ATP1A1: variants seen among roughly 807,000 people sequenced by gnomAD.
ATP1A1 encodes the protein sodium/potassium-transporting ATPase subunit alpha-1.
ATP1A1 carries 14 observed loss-of-function variants against 114.8 expected under a neutral mutation model. The ratio of observed to expected loss-of-function variants is 0.12; its 90% confidence interval spans 0.08 to 0.19. The LOEUF (loss-of-function observed/expected upper bound fraction) is 0.19. ATP1A1 is among the 10% of genes least tolerant of loss of function. The pLI, the probability that ATP1A1 is intolerant of heterozygous loss-of-function variation, is 1.00. For missense variants in ATP1A1, 524 were observed against 1,290.7 expected (o/e 0.41, Z 9.10); for synonymous variants, 471 against 466.3 (o/e 1.01, Z -0.13).
intron 13 of ATP1A1, 70 bp from the exon 14 acceptor site, chr1:116,396,528 C>T: frequency 6.4e-7 from 1 of 1,557,410 alleles, no homozygotes; most frequent in African/African-American, 1.4e-5. Context: ...TTACTCTTGC[C>T]TACTGGATAT....
At chr1:116,403,178 C>G (rs1036066655) in intron 21 of ATP1A1, among the ~76,000 whole-genome samples, 5 of 152,202 alleles carry the variant, frequency 3.3e-5, no homozygotes. Context: ...ATGAGATCAT[C>G]TCTCTTAGCT....
At position 116,388,696 on chromosome 1, in the gene ATP1A1, T is replaced by C. The variant is rs1652257818; in HGVS notation, c.560T>C (p.Val187Ala). The C allele has an allele frequency of 1.4e-5, 22 of 1,614,110 alleles. No homozygotes were observed. The highest frequency in any genetic ancestry group is 1.9e-5 in the Non-Finnish European group (22 of 1,180,056). The change falls in exon 6 of 23, where the codon GTT (valine) becomes GCT (alanine). Residue 187 changes from valine (V) to alanine (A), a missense_variant. Val to Ala is a moderately conservative substitution (Grantham distance 64, BLOSUM62 0). Transcript: ENST00000295598. The surrounding 1 kb of genome is among the most constrained non-coding windows in gnomAD (Gnocchi z 5.6). ...KMSINAEEVVVGDLVEVKGGD... is the reference protein window; with the variant it reads ...KMSINAEEVVAGDLVEVKGGD... ...AGCATAAATGCGGAGGAAGTTGTGG[T>C]TGGGGATCTGGTGGAAGTAAAAGGA...
At chr1:116,396,776 A>G in intron 14 of ATP1A1, 42 bp downstream of exon 14, 1 of 1,508,182 alleles carries the variant, frequency 6.6e-7, no homozygotes. Flanking sequence ...GTGAACAAGC[A>G]AATAGTGATG....
chr1:116,400,291 A>G (rs1653335885), intron 18 of ATP1A1, among the ~76,000 whole-genome samples: 1 of 152,186 alleles, frequency 6.6e-6, no homozygotes, highest in African/African-American at 2.4e-5. Flanking sequence ...GCCCATCCTG[A>G]CCTTCTCCAA....
At position 116,389,674 on chromosome 1, in the gene ATP1A1, C is replaced by T. The variant is rs773255131; in HGVS notation, c.990C>T (p.Ala330=). The T allele has an allele frequency of 5.0e-6, 8 of 1,614,042 alleles. No individual in the cohort carries two copies. In the East Asian group the frequency reaches 1.1e-4, roughly 22 times the overall value. The change falls in exon 8 of 23, where the codon GCC becomes GCT. Residue 330 remains alanine, a synonymous_variant. Transcript: ENST00000295598. This position sits in a 1 kb window ranked among gnomAD's most constrained non-coding sequence, Gnocchi z 6.9. ...AVIFLIGIIV[A]NVPEGLLATV... is the part of the protein sequence containing the mutation. The stretch of plus-strand genomic sequence containing the variant: ...TCTTCCTCATCGGTATCATCGTAGC[C>T]AATGTGCCGGAAGGTTTGCTGGCCA...
chr1:116,388,057 C>A lies in ATP1A1; in HGVS notation c.388-74C>A. The A allele has an allele frequency of 1.0e-6, 1 of 962,766 alleles. No individual in the cohort carries two copies. The highest frequency in any genetic ancestry group is 1.5e-5 in the South Asian group (1 of 68,000). 59.6% of individuals were successfully genotyped at this position (962,766 alleles called of 1,614,324 possible). On this transcript the variant is annotated intron_variant, in intron 4 of 22. Transcript: ENST00000295598. The surrounding 1 kb of genome is among the most constrained non-coding windows in gnomAD (Gnocchi z 5.6). ...CTCTATTAAAAATCTGTTTTTTATT[C>A]AGTCAAAAAATTAATTGAATGTCCC...
In ATP1A1 at chr1:116,395,648, G is replaced by T; in HGVS notation, c.1836+363G>T. ...GTTAACTGTTTGTTAATGAGTGTTT[G>T]GTGTCCTCTGTGTATCTGTCTTTTT... On this transcript the variant is annotated intron_variant, in intron 13 of 22. Coordinates refer to ENST00000295598, the MANE Select transcript of ATP1A1 (RefSeq NM_000701.8). The surrounding 1 kb of genome is among the most constrained non-coding windows in gnomAD (Gnocchi z 6.4). 6.6e-6 allele frequency among the ~76,000 whole-genome samples: 1 copy of T among 152,126 alleles called. No homozygotes were observed. Among genetic ancestry groups the T allele is most frequent in the African/African-American group, 2.4e-5 (1 of 41,418 alleles).
intron 1 of ATP1A1, among the ~76,000 whole-genome samples, chr1:116,378,628 T>A (rs1004101197): frequency 6.6e-6 from 1 of 152,214 alleles, no homozygotes; most frequent in East Asian, 1.9e-4. Context: ...TTCCACATGA[T>A]GCTTCCATGG....
chr1:116,403,989 T>C lies in ATP1A1; in HGVS notation c.3043+14T>C. On this transcript the variant is annotated intron_variant, in intron 22 of 22. Coordinates refer to ENST00000295598, the MANE Select transcript of ATP1A1 (RefSeq NM_000701.8). Reference sequence around the variant, plus strand: ...GACGCCCTGGCGGTAATTATGGGCATTCTGACTTTGGTTGGAGGAGGAGTG... The same window carrying C: ...GACGCCCTGGCGGTAATTATGGGCACTCTGACTTTGGTTGGAGGAGGAGTG... 1.2e-6 allele frequency: 2 copies of C among 1,611,758 alleles called. No individual in the cohort carries two copies. Among genetic ancestry groups the C allele is most frequent in the Non-Finnish European group, 1.7e-6 (2 of 1,178,268 alleles).
chr1:116,404,115 C>T lies in ATP1A1; in HGVS notation c.3043+140C>T. 3.7e-6 allele frequency: 3 copies of T among 814,454 alleles called. No individual in the cohort carries two copies. Among genetic ancestry groups the T allele is most frequent in the Non-Finnish European group, 3.9e-6 (2 of 509,384 alleles). 50.5% of individuals were successfully genotyped at this position (814,454 alleles called of 1,614,324 possible). A position where few individuals can be genotyped will look rare whatever the true frequency, so the allele number is the denominator to read the frequency against. ...TAAGGTGACTGGACCAGCAAACTGA[C>T]CATAGTCACATCTTCAGAATGTAGA... On this transcript the variant is annotated intron_variant, in intron 22 of 22. Transcript: ENST00000295598. This position sits in a 1 kb window ranked among gnomAD's most constrained non-coding sequence, Gnocchi z 4.8.
rs1653252460 is a variant in ATP1A1, at chr1:116,399,618, T to C, written c.2572+75T>C. 6 of 1,587,522 alleles carry C rather than the reference T, an allele frequency of 3.8e-6. No individual in the cohort carries two copies. Among genetic ancestry groups the C allele is most frequent in the South Asian group, 1.2e-5 (1 of 86,928 alleles). ...TGATGGTGTCCACCTCAGGTTGAGG[T>C]TGATTTCAGAGACTGCAAATCCAGG... On this transcript the variant is annotated intron_variant, in intron 18 of 22. Transcript: ENST00000295598. The surrounding 1 kb of genome is among the most constrained non-coding windows in gnomAD (Gnocchi z 5.0).
Position 116,404,587 on chromosome 1 carries a change from G to A in ATP1A1, c.*143G>A. ...AGCATGTGGGGAAGCAAGACGTCCT[G>A]GAATGAAGCATGTAGCTCTATGGGG... On this transcript the variant is annotated 3_prime_UTR_variant, in exon 23 of 23. Transcript: ENST00000295598. The surrounding 1 kb of genome is among the most constrained non-coding windows in gnomAD (Gnocchi z 4.8). 1 of 1,395,252 alleles carries A rather than the reference G, an allele frequency of 7.2e-7. No individual in the cohort carries two copies. Among genetic ancestry groups the A allele is most frequent in the Admixed American group, 3.5e-5 (1 of 28,388 alleles). The allele number at this position is 1,395,252 out of a possible 1,614,324, so 86.4% of individuals were successfully genotyped here. A position where few individuals can be genotyped will look rare whatever the true frequency, so the allele number is the denominator to read the frequency against.
At chr1:116,383,929 A>C (rs1651903508) in intron 1 of ATP1A1, 85 bp from the exon 2 acceptor site, 1 of 1,161,622 alleles carries the variant, frequency 8.6e-7, no homozygotes, top group Non-Finnish European at 1.3e-6. Flanking sequence ...TACCTTAAAA[A>C]CTACCAAAAT....
At chr1:116,380,023 C>T (rs960072888) in intron 1 of ATP1A1, among the ~76,000 whole-genome samples, 3 of 152,188 alleles carry the variant, frequency 2.0e-5, no homozygotes, top group Admixed American at 6.5e-5. Context: ...CCTTCTTGCC[C>T]GTCAAAAGCT....
rs1652042823 is a variant in ATP1A1 at position 116,385,888 on chromosome 1, A to C, written c.183+1046A>C. 2.0e-5 allele frequency: 3 copies of C among 152,200 alleles called. 1 individual carries two copies. In the South Asian group the frequency reaches 6.2e-4, roughly 32 times the overall value. The allele number at this position is 152,200 out of a possible 1,614,324, so 9.4% of individuals were successfully genotyped here. A position where few individuals can be genotyped will look rare whatever the true frequency, so the allele number is the denominator to read the frequency against. On this transcript the variant is annotated intron_variant, in intron 3 of 22. Coordinates refer to ENST00000295598, the MANE Select transcript of ATP1A1 (RefSeq NM_000701.8). This position sits in a 1 kb window ranked among gnomAD's most constrained non-coding sequence, Gnocchi z 4.3. ...ATGCCTGTAATCTCAGCACTTTGGG[A>C]GGCTGAGACTGGTGGATCACCTGAG...
At chr1:116,374,021 GC>G (rs1291007619) in intron 1 of ATP1A1, 4 of 1,281,922 alleles carry the variant, frequency 3.1e-6, no homozygotes, top group South Asian at 3.3e-5. Context: ...CTCCGCCGGG[GC>G]CTCCTCCCGG....
chr1:116,392,797 G>C, intron 10 of ATP1A1, 57 bp from the exon 11 acceptor site: 1 of 1,575,864 alleles, frequency 6.3e-7, no homozygotes, highest in South Asian at 1.2e-5. Flanking sequence ...CTGTTTTTTA[G>C]TGATGCCTCA....
At position 116,373,252 on chromosome 1, in the gene ATP1A1, G is replaced by C. The variant is rs1182303143; in HGVS notation, c.-260G>C. On this transcript the variant is annotated 5_prime_UTR_variant, in exon 1 of 23. Transcript: ENST00000295598. ...AGGAGGAGGCGCGGGCTGGAGCTGCGGCGGGGTCTGGGGCGCAGAGCAGCG... is the reference window on the plus strand; with the variant it reads ...AGGAGGAGGCGCGGGCTGGAGCTGCCGCGGGGTCTGGGGCGCAGAGCAGCG... 5.5e-6 allele frequency: 2 copies of C among 364,884 alleles called. No individual in the cohort carries two copies. The highest frequency in any genetic ancestry group is 8.3e-5 in the East Asian group (2 of 24,000). 22.6% of individuals were successfully genotyped at this position (364,884 alleles called of 1,614,324 possible). A position where few individuals can be genotyped will look rare whatever the true frequency, so the allele number is the denominator to read the frequency against.
At chr1:116,391,146 G>A (rs1652441669) in intron 10 of ATP1A1, among the ~76,000 whole-genome samples, 1 of 152,162 alleles carries the variant, frequency 6.6e-6, no homozygotes, top group Admixed American at 6.5e-5. Flanking sequence ...AAAGTGGGAG[G>A]GGAGGAGACG....
Sources: gnomAD v4.1 joint callset for allele counts (sites outside exome capture counted in the v4.1 genomes callset) on GRCh38, gnomAD v4.1.1 for gene constraint, Gnocchi (gnomAD v3.1) non-coding constraint, MANE v1.5 for transcripts, NCBI Gene and HGNC (gene_info 2026-07-23, HGNC 2026-07-21) for gene names.